DCLK1: variants seen among roughly 807,000 people sequenced by gnomAD.
DCLK1 encodes doublecortin like kinase 1.
Under a neutral mutation model 86.2 loss-of-function variants are expected in DCLK1, and 16 were observed. The observed-to-expected ratio is 0.19, with a 90% confidence interval of 0.13 to 0.28. The LOEUF is 0.28. Ranked by LOEUF, DCLK1 falls within the 10% of genes least tolerant of loss-of-function variation. The probability of loss-of-function intolerance (pLI) is 1.00; values close to 1 mark genes in which losing one functional copy is unlikely to be tolerated. For synonymous variants in DCLK1, 369 were observed against 370.5 expected (o/e 1.00, Z 0.05); for missense variants, 590 against 940.2 (o/e 0.63, Z 4.87).
At chr13:36,062,841 TC>T (rs1180099183) in intron 3 of DCLK1, among the ~76,000 whole-genome samples, 1 of 152,200 alleles carries the variant, frequency 6.6e-6, no homozygotes, top group Non-Finnish European at 1.5e-5. Context: ...AATTTGATAA[TC>T]CAACTTGACA....
chr13:35,996,384 A>G (rs1880479580), intron 3 of DCLK1, among the ~76,000 whole-genome samples: 1 of 152,206 alleles, frequency 6.6e-6, no homozygotes, highest in African/African-American at 2.4e-5. Context: ...TTATGTGTCA[A>G]CTTGGCTGGG....
intron 4 of DCLK1, among the ~76,000 whole-genome samples, chr13:35,885,524 G>C (rs1011629304): frequency 1.3e-5 from 2 of 152,180 alleles, no homozygotes; most frequent in Non-Finnish European, 2.9e-5. Context: ...CTGAAGAAGA[G>C]TGATGTAAAC....
chr13:35,781,046 G>C (rs1049189209), intron 16 of DCLK1, among the ~76,000 whole-genome samples: 47 of 152,158 alleles, frequency 3.1e-4, no homozygotes, highest in African/African-American at 1.0e-3. Flanking sequence ...ACATTAAATT[G>C]GGAAAATCAG....
chr13:36,105,321 CA>C (rs1330972784), intron 3 of DCLK1, among the ~76,000 whole-genome samples: 7 of 151,538 alleles, frequency 4.6e-5, no homozygotes, highest in Non-Finnish European at 7.4e-5. Context: ...GATTTTTTTC[CA>C]AAAAAAATTT....
At position 35,797,744 on chromosome 13, in the gene DCLK1, T is replaced by A. The variant is rs534325551; in HGVS notation, c.1945-4265A>T. 2.0e-3 allele frequency among the ~76,000 whole-genome samples: 310 copies of A among 152,210 alleles called. 1 individual carries two copies. Among genetic ancestry groups the A allele is most frequent in the Non-Finnish European group, 3.3e-3 (225 of 68,024 alleles). On this transcript the variant is annotated intron_variant, in intron 15 of 16. Transcript: ENST00000360631. Reference sequence around the variant, plus strand: ...AAATTTTGAAGGTTTTCAGCATAATTGGATAAAAAGACTTAAACAATTGGC... The same window carrying A: ...AAATTTTGAAGGTTTTCAGCATAATAGGATAAAAAGACTTAAACAATTGGC...
chr13:35,823,428 T>C (rs190605844), intron 10 of DCLK1, among the ~76,000 whole-genome samples: 60 of 151,968 alleles, frequency 3.9e-4, no homozygotes, highest in Admixed American at 3.7e-3. Flanking sequence ...GTGGGCATAG[T>C]GTTTTCTTTT....
chr13:35,849,878 AT>A, intron 6 of DCLK1: 3 of 960,400 alleles, frequency 3.1e-6, no homozygotes, highest in Non-Finnish European at 2.5e-6. Context: ...AAAAAAAAAA[AT>A]TCCCAGCTTT....
chr13:35,854,196 A>C (rs1870878413), intron 6 of DCLK1, among the ~76,000 whole-genome samples: 1 of 152,186 alleles, frequency 6.6e-6, no homozygotes, highest in African/African-American at 2.4e-5. Context: ...AACTCATCAC[A>C]ACTAAGAAGG....
rs146115332 is a variant in DCLK1, at chr13:35,916,061, G to C, written c.823+31297C>G. 1.1e-3 allele frequency among the ~76,000 whole-genome samples: 163 copies of C among 152,188 alleles called. 1 individual carries two copies. Among genetic ancestry groups the C allele is most frequent in the African/African-American group, 3.5e-3 (147 of 41,520 alleles). ...TCCTTACCCTAAATCTAACCTTCAG[G>C]CTCTGCGTGATGAGGCACTTACCTT... On this transcript the variant is annotated intron_variant, in intron 4 of 16. Transcript: ENST00000360631.
At chr13:35,976,579 G>A (rs938163389) in intron 3 of DCLK1, among the ~76,000 whole-genome samples, 1 of 125,454 alleles carries the variant, frequency 8.0e-6, no homozygotes, top group African/African-American at 2.7e-5. Flanking sequence ...CGCCCAGGCT[G>A]GAGTGCAGTG....
At chr13:35,786,534 C>G (rs1167903295) in intron 16 of DCLK1, among the ~76,000 whole-genome samples, 1 of 152,096 alleles carries the variant, frequency 6.6e-6, no homozygotes, top group Non-Finnish European at 1.5e-5. Flanking sequence ...GAAGGGAGCC[C>G]CTGGGGTGCT....
intron 3 of DCLK1, among the ~76,000 whole-genome samples, chr13:36,067,065 C>A (rs1175042976): frequency 7.0e-6 from 1 of 142,824 alleles, no homozygotes; most frequent in African/African-American, 2.6e-5. Flanking sequence ...TGGGTATATA[C>A]CCAAAGGACT....
intron 3 of DCLK1, among the ~76,000 whole-genome samples, chr13:36,051,026 G>A (rs184834282): frequency 2.5e-4 from 38 of 152,200 alleles, no homozygotes; most frequent in Non-Finnish European, 1.5e-4. Context: ...ATGCTACAGA[G>A]GCTAAAACAC....
At chr13:35,799,186 G>A (rs183902394) in intron 15 of DCLK1, among the ~76,000 whole-genome samples, 1 of 152,252 alleles carries the variant, frequency 6.6e-6, no homozygotes, top group East Asian at 1.9e-4. Flanking sequence ...AATGTCTGGG[G>A]GCAAAACCCA....
chr13:35,998,531 A>G (rs1476453890), intron 3 of DCLK1, among the ~76,000 whole-genome samples: 2 of 152,102 alleles, frequency 1.3e-5, no homozygotes, highest in Admixed American at 1.3e-4. Flanking sequence ...ACTCAGAATC[A>G]TCATACTTAT....
chr13:35,850,674 A>T (rs766404873), intron 6 of DCLK1: 6 of 1,494,116 alleles, frequency 4.0e-6, no homozygotes, highest in Non-Finnish European at 5.4e-6. Flanking sequence ...AGAAATGTGA[A>T]ACCTTCACCC....
At chr13:35,884,437 A>G (rs1873105081) in intron 4 of DCLK1, among the ~76,000 whole-genome samples, 1 of 152,190 alleles carries the variant, frequency 6.6e-6, no homozygotes, top group Non-Finnish European at 1.5e-5. Flanking sequence ...GACGGGGAGG[A>G]TCTGAAAGCT....
At chr13:35,971,412 C>T (rs140421843) in intron 3 of DCLK1, among the ~76,000 whole-genome samples, 142 of 152,280 alleles carry the variant, frequency 9.3e-4, no homozygotes, top group African/African-American at 3.3e-3. Flanking sequence ...AGCTTGATGA[C>T]ACTCCCCTGA....
chr13:35,931,513 T>C (rs1445036649), intron 4 of DCLK1, among the ~76,000 whole-genome samples: 2 of 152,204 alleles, frequency 1.3e-5, no homozygotes, highest in African/African-American at 4.8e-5. Context: ...TAGGCTGTAT[T>C]TGGACAAGTT....
Sources: allele counts gnomAD v4.1 joint callset (sites outside exome capture counted in the v4.1 genomes callset), GRCh38; gene constraint gnomAD v4.1.1; transcripts MANE v1.5; gene names NCBI Gene and HGNC (gene_info 2026-07-23, HGNC 2026-07-21).